The following VSIG10L variants were observed in gnomAD, a reference collection of about 807,000 sequenced individuals.
VSIG10L encodes V-set and immunoglobulin domain containing 10 like, also known as V-set and immunoglobulin domain-containing protein 10-like.
In VSIG10L, 63 loss-of-function variants were observed where a neutral mutation model predicts 67.3. That is an observed-to-expected ratio of 0.94 (90% CI 0.76 to 1.15). The LOEUF (loss-of-function observed/expected upper bound fraction) is 1.15. Among genes scored for constraint, VSIG10L ranks in the 50% most tolerant of loss-of-function variants. The probability of loss-of-function intolerance (pLI) is 0.00; values close to 1 mark genes in which losing one functional copy is unlikely to be tolerated. For missense variants in VSIG10L, 1,050 were observed against 1,177.5 expected, an observed-to-expected ratio of 0.89 and a Z score of 1.58; for synonymous variants, 499 against 524.9, an observed-to-expected ratio of 0.95 and a Z score of 0.67.
chr19:51,341,675 G>A lies in VSIG10L; in HGVS notation c.373C>T (p.Pro125Ser), dbSNP rs1365231740. 1 of 1,551,586 alleles carries A rather than the reference G, an allele frequency of 6.4e-7. No individual in the cohort carries two copies. The highest frequency in any genetic ancestry group is 1.4e-5 in the African/African-American group (1 of 73,018). ...TTGGGGTCTTTGGCAGGAACTTGAGGATCCGAAATATCAGGAAATACTTCA... is the reference window on the plus strand; with the variant it reads ...TTGGGGTCTTTGGCAGGAACTTGAGAATCCGAAATATCAGGAAATACTTCA... Reference protein sequence around the residue: ...GSEVFPDISDPQVPAKDPKPS... With the variant: ...GSEVFPDISDSQVPAKDPKPS... The change falls in exon 2 of 10, where the codon CCT becomes TCT. Residue 125 changes from proline (P) to serine (S), a missense_variant. Transcript: ENST00000335624.
intron 9 of VSIG10L, 136 bp from the exon 10 acceptor site, chr19:51,332,776 A>G (rs1985388911): frequency 3.7e-6 from 3 of 803,736 alleles, no homozygotes; most frequent in Non-Finnish European, 5.6e-6. Context: ...GGAGAGGGGA[A>G]AAAAAATGCC....
intron 7 of VSIG10L, among the ~76,000 whole-genome samples, chr19:51,336,763 A>ATTTTTTTTTTT (rs942291893): frequency 1.0e-5 from 1 of 97,066 alleles, no homozygotes. Context: ...CGACACCTTG[A>ATTTTTTTTTTT]TTTTTTTTTT....
Position 51,338,218 on chromosome 19 carries a change from G to T in VSIG10L, c.1730-10C>A. ...ACCTCTCGGGGGGCCTCTGCCGGTG[G>T]GAGAAGTCCAGTTAAGAAAGTCAAG... On this transcript the variant is annotated splice_polypyrimidine_tract_variant and intron_variant, in intron 5 of 9. Coordinates refer to ENST00000335624, the MANE Select transcript of VSIG10L (RefSeq NM_001163922.3). 2 of 1,459,152 alleles carry T rather than the reference G, an allele frequency of 1.4e-6. No homozygotes were observed. Among genetic ancestry groups the T allele is most frequent in the South Asian group, 1.4e-5 (1 of 69,206 alleles). The allele number at this position is 1,459,152 out of a possible 1,614,324, so 90.4% of individuals were successfully genotyped here. A position where few individuals can be genotyped will look rare whatever the true frequency, so the allele number is the denominator to read the frequency against.
At chr19:51,338,425 C>T (rs1255891747) in intron 5 of VSIG10L, among the ~76,000 whole-genome samples, 2 of 152,154 alleles carry the variant, frequency 1.3e-5, no homozygotes, top group African/African-American at 2.4e-5. Flanking sequence ...ATACCATAGG[C>T]GCAGGCCCTG....
At chr19:51,334,515 G>A (rs1035816147) in intron 7 of VSIG10L, among the ~76,000 whole-genome samples, 1 of 152,222 alleles carries the variant, frequency 6.6e-6, no homozygotes, top group East Asian at 1.9e-4. Context: ...GACAGGTAGT[G>A]AGGATTCATT....
chr19:51,339,681 C>A (rs576419181), intron 4 of VSIG10L: 2 of 250,470 alleles, frequency 8.0e-6, no homozygotes, highest in African/African-American at 4.5e-5. Context: ...CTCCGCTTGT[C>A]GACTTTGTCG....
rs2123558446 is a variant in VSIG10L at position 51,340,542 on chromosome 19, G to A, written c.1080C>T (p.Gly360=). The A allele has an allele frequency of 1.3e-6, 2 of 1,535,024 alleles. No homozygotes were observed. Among genetic ancestry groups the A allele is most frequent in the South Asian group, 1.2e-5 (1 of 83,946 alleles). ...GAETPRMRSE[G]DQLLIVRPVR... ...CAGGGCGCACGATGAGCAGCTGGTC[G>A]CCCTCTGAGCGCATCCGGGGCGTCT... Residue 360 remains glycine, a synonymous_variant, in exon 3 of 10, where the codon GGC becomes GGT. Transcript: ENST00000335624. The surrounding 1 kb of genome is among the most constrained non-coding windows in gnomAD (Gnocchi z 6.3).
chr19:51,340,217 C>A lies in VSIG10L; in HGVS notation c.1272G>T (p.Val424=). The change falls in exon 4 of 10, where the codon GTG becomes GTT. Residue 424 remains valine (V), a synonymous_variant. Transcript: ENST00000335624. This position sits in a 1 kb window ranked among gnomAD's most constrained non-coding sequence, Gnocchi z 6.3. ...GCGAGGCGGCGGCGCAGCGCAAGGT[C>A]ACGTTACTGCCCGCGGTGACAAAGC... ...PARFVTAGSN[V]TLRCAAASRP... is the part of the protein sequence containing the mutation. 6.7e-7 allele frequency: 1 copy of A among 1,501,748 alleles called. No individual in the cohort carries two copies. Among genetic ancestry groups the A allele is most frequent in the Non-Finnish European group, 8.8e-7 (1 of 1,132,702 alleles). The allele number at this position is 1,501,748 out of a possible 1,614,324, so 93.0% of individuals were successfully genotyped here.
Position 51,333,800 on chromosome 19 carries a change from C to T in VSIG10L, c.2565G>A (p.Arg855=). 1 of 1,548,454 alleles carries T rather than the reference C, an allele frequency of 6.5e-7. No homozygotes were observed. The change falls in exon 9 of 10, where the codon AGG becomes AGA. Residue 855 remains arginine, a synonymous_variant. Transcript: ENST00000335624. Reference sequence around the variant, plus strand: ...GGGCACCCACACTCACTTGGTAGGCCCTAGTTGAGCTGTGGTCCTCCAGAG... The same window carrying T: ...GGGCACCCACACTCACTTGGTAGGCTCTAGTTGAGCTGTGGTCCTCCAGAG... ...KVPLEDHSST[R]AYQAQTPVQL...
rs1384468513 is a variant in VSIG10L, at chr19:51,341,146, C to A, written c.895+7G>T. 24 of 1,496,630 alleles carry A rather than the reference C, an allele frequency of 1.6e-5. No homozygotes were observed. Among genetic ancestry groups the A allele is most frequent in the Non-Finnish European group, 1.7e-5 (19 of 1,118,300 alleles). 92.7% of individuals were successfully genotyped at this position (1,496,630 alleles called of 1,614,324 possible). A position where few individuals can be genotyped will look rare whatever the true frequency, so the allele number is the denominator to read the frequency against. ...CGCCTGCACGCCGGACGCCAGGGCC[C>A]ACTTACCATACACACCCACCGTGAA... On this transcript the variant is annotated splice_region_variant and intron_variant, in intron 2 of 9. Transcript: ENST00000335624.
At position 51,332,649 on chromosome 19, in the gene VSIG10L, G is replaced by A. The variant is rs1272196545; in HGVS notation, c.2575-9C>T. 1.9e-6 allele frequency: 3 copies of A among 1,550,870 alleles called. No individual in the cohort carries two copies. Among genetic ancestry groups the A allele is most frequent in the Non-Finnish European group, 2.6e-6 (3 of 1,146,472 alleles). On this transcript the variant is annotated splice_polypyrimidine_tract_variant and intron_variant, in intron 9 of 9. Transcript: ENST00000335624. The stretch of plus-strand genomic sequence containing the variant: ...TGAACTGGGGTCTGTGCCTGGAAGA[G>A]AGAGGTGGGGTGAGGGGAGAACTCA...
Position 51,341,500 on chromosome 19 carries a change from G to A in VSIG10L, c.548C>T (p.Ala183Val). 4 of 1,551,064 alleles carry A rather than the reference G, an allele frequency of 2.6e-6. No individual in the cohort carries two copies. The highest frequency in any genetic ancestry group is 3.5e-6 in the Non-Finnish European group (4 of 1,146,728). The change falls in exon 2 of 10, where the codon GCA (alanine) becomes GTA (valine). Residue 183 changes from alanine (A) to valine (V), a missense_variant. Coordinates refer to ENST00000335624, the MANE Select transcript of VSIG10L (RefSeq NM_001163922.3). ...AAAGCTTGCAGCTGAGTGGGTCTCT[G>A]CAGAAAATTTGGATTCAGGGCTCTG... ...SAQSPESKFS[A>V]ETHSAASFPQ...
chr19:51,337,496 C>G lies in VSIG10L; in HGVS notation c.2047G>C (p.Asp683His). The change falls in exon 7 of 10, where the codon GAT becomes CAT. Residue 683 changes from aspartate to histidine, a missense_variant. Asp to His is a moderately conservative substitution (Grantham distance 81). Transcript: ENST00000335624. The stretch of plus-strand genomic sequence containing the variant: ...ACATCCCAAGTCAGCACGGCTGCAT[C>G]TCTGGCTCTCTGAAGCCTCCACGAG... ...ISSWRLQRAR[D>H]AAVLTWDVER... is the part of the protein sequence containing the mutation. 6.5e-7 allele frequency: 1 copy of G among 1,548,296 alleles called. No individual in the cohort carries two copies. Among genetic ancestry groups the G allele is most frequent in the South Asian group, 1.2e-5 (1 of 83,998 alleles).
intron 7 of VSIG10L, 31 bp from the exon 8 acceptor site, chr19:51,334,335 G>A: frequency 6.5e-6 from 10 of 1,541,658 alleles, no homozygotes; most frequent in Non-Finnish European, 8.8e-6. Flanking sequence ...AAAGAGAAGG[G>A]GAACAGGAAC....
intron 7 of VSIG10L, among the ~76,000 whole-genome samples, chr19:51,336,252 T>C (rs1985475892): frequency 6.6e-6 from 1 of 152,072 alleles, no homozygotes; most frequent in African/African-American, 2.4e-5. Context: ...ATATAACTGG[T>C]GTCCTTAAAA....
rs865996246 is a variant in VSIG10L, at chr19:51,338,035, G to A, written c.1903C>T (p.Arg635Trp). Residue 635 changes from arginine to tryptophan, a missense_variant, in exon 6 of 10, where the codon CGG becomes TGG. Around this residue, in one of 3 missense-constraint regions of VSIG10L, gnomAD observed 529 missense variants for 584.9 expected, o/e 0.90. Transcript: ENST00000335624. ...CTGAAGTTGCCGATGTGGAGTTTCC[G>A]CCCATCTTGACTGAGCCGCAGGCGA... is the stretch of plus-strand genomic sequence containing the variant. Reference protein sequence around the residue: ...GSRLRLSQDGRKLHIGNFSLD... With the variant: ...GSRLRLSQDGWKLHIGNFSLD... The A allele has an allele frequency of 3.9e-5, 60 of 1,551,528 alleles. 1 individual carries two copies. The Middle Eastern group carries it at 2.2e-3, about 56-fold the overall frequency.
chr19:51,340,464 G>A lies in VSIG10L; in HGVS notation c.1158C>T (p.His386=), dbSNP rs1205532780. ...YTCRVRSPFG[H]REAAADVSVF... ...CGCTGACGTCGGCGGCAGCCTCCCTGTGGCCGAAGGGGCTGCGGACGCGGC... is the reference window on the plus strand; with the variant it reads ...CGCTGACGTCGGCGGCAGCCTCCCTATGGCCGAAGGGGCTGCGGACGCGGC... Residue 386 remains histidine, a synonymous_variant, in exon 3 of 10, where the codon CAC becomes CAT. Transcript: ENST00000335624. This position sits in a 1 kb window ranked among gnomAD's most constrained non-coding sequence, Gnocchi z 6.3. 1 of 1,503,386 alleles carries A rather than the reference G, an allele frequency of 6.7e-7. No individual in the cohort carries two copies. Among genetic ancestry groups the A allele is most frequent in the African/African-American group, 1.4e-5 (1 of 71,344 alleles). The allele number at this position is 1,503,386 out of a possible 1,614,324, so 93.1% of individuals were successfully genotyped here.
At chr19:51,334,170 T>C in intron 8 of VSIG10L, 21 bp downstream of exon 8, 1 of 1,551,238 alleles carries the variant, frequency 6.4e-7, no homozygotes, top group Non-Finnish European at 8.7e-7. Flanking sequence ...TGGTTGCCCC[T>C]TCCCCAGTCC....
In VSIG10L at chr19:51,337,970, A is replaced by C; in HGVS notation, c.1968T>G (p.Ser656Arg). Reference protein sequence around the residue: ...WDLGNYSVLCSGALGAGGDQI... With the variant: ...WDLGNYSVLCRGALGAGGDQI... ...GGTCACCGCCAGCACCCAGCGCCCC[A>C]CTGCACAGCACGGAGTAATTTCCCA... is the stretch of plus-strand genomic sequence containing the variant. The change falls in exon 6 of 10, where the codon AGT becomes AGG. Residue 656 changes from serine (S) to arginine (R), a missense_variant. Ser to Arg is a moderately radical substitution (Grantham distance 110). Transcript: ENST00000335624. 1 of 1,551,476 alleles carries C rather than the reference A, an allele frequency of 6.4e-7. No homozygotes were observed.
Sources: gnomAD v4.1 joint callset for allele counts (sites outside exome capture counted in the v4.1 genomes callset) on GRCh38, gnomAD v4.1.1 for gene constraint, gnomAD v4.1.1 regional missense constraint, Gnocchi (gnomAD v3.1) non-coding constraint, MANE v1.5 for transcripts, NCBI Gene and HGNC (gene_info 2026-07-23, HGNC 2026-07-21) for gene names.